The following BEND2 variants were observed in gnomAD, a reference collection of about 807,000 sequenced individuals.
BEND2 encodes BEN domain containing 2, also known as BEN domain-containing protein 2.
A neutral mutation model predicts 43.8 loss-of-function variants in BEND2; 19 were observed. The ratio of observed to expected loss-of-function variants is 0.43; its 90% confidence interval spans 0.30 to 0.64. BEND2 has a LOEUF of 0.64. Among genes scored for constraint, BEND2 ranks in the 30% least tolerant of loss-of-function variants. The pLI, the probability that BEND2 is intolerant of heterozygous loss-of-function variation, is 0.11. For synonymous variants in BEND2, 226 were observed against 210.1 expected (o/e 1.08, Z -0.66); for missense variants, 544 against 574.0 (o/e 0.95, Z 0.53).
chrX:18,171,166 A>G lies in BEND2; in HGVS notation c.2020T>C (p.Cys674Arg). The G allele has an allele frequency of 8.3e-7, 1 of 1,209,459 alleles. No homozygotes were observed. The highest frequency in any genetic ancestry group is 1.8e-5 in the South Asian group (1 of 56,941). ...GTTTTTGCCAAAGTCAGTACTGAAC[A>G]TGGCATCCGTATATTTCTCCATGGT... ...GRPWRNIRMP[C>R]SVLTLAKTKS... Residue 674 changes from cysteine (C) to arginine (R), a missense_variant, in exon 13 of 14, where the codon TGT (cysteine) becomes CGT (arginine). By Grantham distance (180) the Cys-to-Arg change is radical (BLOSUM62 -3). Transcript: ENST00000380033.
intron 2 of BEND2, 40 bp downstream of exon 2, chrX:18,216,481 A>T: frequency 9.1e-7 from 1 of 1,102,181 alleles, no homozygotes; most frequent in Middle Eastern, 2.4e-4. Context: ...TGGGGACCAG[A>T]GAGTAAAATT....
intron 13 of BEND2, among the ~76,000 whole-genome samples, chrX:18,165,568 AT>A (rs1326763439): frequency 8.9e-6 from 1 of 111,982 alleles, no homozygotes; most frequent in Non-Finnish European, 1.9e-5. Context: ...ATCAGCTCAA[AT>A]AGAGACATGC....
intron 9 of BEND2, 92 bp downstream of exon 9, chrX:18,180,418 G>A (rs1449027119): frequency 8.9e-7 from 1 of 1,122,333 alleles, no homozygotes; most frequent in Non-Finnish European, 1.2e-6. Context: ...CCTCAAAATA[G>A]GAAACACAGA....
chrX:18,219,978 G>C (rs1925810665), intron 1 of BEND2, among the ~76,000 whole-genome samples: 1 of 111,573 alleles, frequency 9.0e-6, no homozygotes, highest in Admixed American at 9.5e-5. Context: ...CTCTGTGAAA[G>C]TCTGAGTCAT....
rs749976150 is a variant in BEND2 at position 18,180,763 on chromosome X, C to A, written c.1289-113G>T. On this transcript the variant is annotated intron_variant, in intron 8 of 13. Transcript: ENST00000380033. Reference sequence around the variant, plus strand: ...GAAAACTAAAAAGATTTGTTGCCAGCAGACCTACTCTTTTTTTTTTTCTTT... The same window carrying A: ...GAAAACTAAAAAGATTTGTTGCCAGAAGACCTACTCTTTTTTTTTTTCTTT... 162 of 533,257 alleles carry A rather than the reference C, an allele frequency of 3.0e-4. No homozygotes were observed. In the South Asian group the frequency reaches 3.3e-3, roughly 11 times the overall value. 43.9% of individuals were successfully genotyped at this position (533,257 alleles called of 1,213,427 possible).
At chrX:18,177,944 A>G (rs751426291) in intron 9 of BEND2, among the ~76,000 whole-genome samples, 175 bp from the exon 10 acceptor site, 3 of 111,880 alleles carry the variant, frequency 2.7e-5, no homozygotes, top group African/African-American at 9.7e-5. Flanking sequence ...TTCTATGCTT[A>G]TCTCTTCCTC....
At position 18,177,779 on chromosome X, in the gene BEND2, TA is replaced by T; in HGVS notation, c.1430-11del. 1.7e-6 allele frequency: 2 copies of T among 1,193,229 alleles called. No individual in the cohort carries two copies. The highest frequency in any genetic ancestry group is 2.3e-6 in the Non-Finnish European group (2 of 880,144). ...GGATCACCAAGATAGCCTTTAAAAA[TA>T]AAGAGAAAAAGGAACATCCTTGGTT... On this transcript the variant is annotated splice_polypyrimidine_tract_variant and intron_variant, in intron 9 of 13. Transcript: ENST00000380033.
intron 13 of BEND2, among the ~76,000 whole-genome samples, chrX:18,165,466 A>G (rs992279648): frequency 6.2e-5 from 7 of 112,037 alleles, no homozygotes; most frequent in Non-Finnish European, 3.8e-5. Flanking sequence ...ACCTTGCCAC[A>G]TACCAGAATA....
intron 8 of BEND2, among the ~76,000 whole-genome samples, chrX:18,187,375 A>C (rs2147405967): frequency 8.9e-6 from 1 of 112,247 alleles, no homozygotes; most frequent in South Asian, 3.7e-4. Flanking sequence ...TTTCAAGACA[A>C]AAAACTGCAA....
chrX:18,196,050 A>G (rs1230086044), intron 6 of BEND2, among the ~76,000 whole-genome samples: 1 of 111,573 alleles, frequency 9.0e-6, no homozygotes, highest in Non-Finnish European at 1.9e-5. Context: ...TGTAATCCCA[A>G]CACTTTGGGA....
At position 18,177,682 on chromosome X, in the gene BEND2, G is replaced by C; in HGVS notation, c.1517C>G (p.Ala506Gly). 2 of 1,210,448 alleles carry C rather than the reference G, an allele frequency of 1.7e-6. No individual in the cohort carries two copies. The highest frequency in any genetic ancestry group is 2.2e-6 in the Non-Finnish European group (2 of 894,641). ...GAACAAAATACGAACCAAGTAGCAG[G>C]CTGCTTGCTTAGGTTTGGCCATATT... is the stretch of plus-strand genomic sequence containing the variant. Reference protein sequence around the residue: ...VQNMAKPKQAACYLVRILFSK... With the variant: ...VQNMAKPKQAGCYLVRILFSK... Residue 506 changes from alanine to glycine, a missense_variant, in exon 10 of 14, where the codon GCC becomes GGC. Coordinates refer to ENST00000380033, the MANE Select transcript of BEND2 (RefSeq NM_153346.5).
chrX:18,188,613 T>C (rs1416155314), intron 8 of BEND2, among the ~76,000 whole-genome samples: 1 of 111,384 alleles, frequency 9.0e-6, no homozygotes, highest in Admixed American at 9.6e-5. Context: ...AAATAACAAG[T>C]AATGAGACTG....
intron 7 of BEND2, among the ~76,000 whole-genome samples, chrX:18,192,706 C>T (rs1272200530): frequency 8.9e-6 from 1 of 112,321 alleles, no homozygotes; most frequent in Non-Finnish European, 1.9e-5. Context: ...AGATATCTTC[C>T]AATGGGTGAA....
At chrX:18,213,569 C>G (rs1375203464) in intron 3 of BEND2, among the ~76,000 whole-genome samples, 1 of 111,210 alleles carries the variant, frequency 9.0e-6, no homozygotes, top group African/African-American at 3.3e-5. Flanking sequence ...AGAACTAACT[C>G]TCAAGTTAGA....
At chrX:18,186,882 G>T (rs965591878) in intron 8 of BEND2, among the ~76,000 whole-genome samples, 1 of 107,763 alleles carries the variant, frequency 9.3e-6, no homozygotes, top group Non-Finnish European at 1.9e-5. Flanking sequence ...TGGGAAGATC[G>T]CTTGAGCCTG....
chrX:18,203,470 C>A, intron 5 of BEND2, 31 bp downstream of exon 5: 1 of 1,158,733 alleles, frequency 8.6e-7, no homozygotes. Flanking sequence ...TTGAAGAATG[C>A]TATCTGTAAT....
At chrX:18,178,083 G>T (rs753007025) in intron 9 of BEND2, among the ~76,000 whole-genome samples, 2 of 111,429 alleles carry the variant, frequency 1.8e-5, no homozygotes, top group Admixed American at 9.6e-5. Flanking sequence ...TAGGCTGCAG[G>T]TGCATATGTA....
intron 9 of BEND2, among the ~76,000 whole-genome samples, chrX:18,179,179 GTTTTTTTTTT>G (rs1164362773): frequency 3.4e-5 from 2 of 58,407 alleles, no homozygotes; most frequent in African/African-American, 6.9e-5. Context: ...TTTTGTTTCT[GTTTTTTTTTT>G]TTTTTTTTTT....
At chrX:18,193,329 AAAAAGAAAAGAAAAG>A (rs75007771) in intron 7 of BEND2, among the ~76,000 whole-genome samples, 61 of 100,663 alleles carry the variant, frequency 6.1e-4, no homozygotes, top group African/African-American at 2.2e-3. Flanking sequence ...TCTGTCTCAC[AAAAAGAAAAGAAAAG>A]AAAAGAAAAG....
Sources: gnomAD v4.1 joint callset for allele counts (sites outside exome capture counted in the v4.1 genomes callset) on GRCh38, gnomAD v4.1.1 for gene constraint, MANE v1.5 for transcripts, NCBI Gene and HGNC (gene_info 2026-07-23, HGNC 2026-07-21) for gene names.